The following ERI3 variants were observed in gnomAD, a reference collection of about 807,000 sequenced individuals.
ERI3 encodes ERI1 exoribonuclease 3.
Under a neutral mutation model 44.4 loss-of-function variants are expected in ERI3, and 18 were observed. The ratio of observed to expected loss-of-function variants is 0.41; its 90% CI spans 0.28 to 0.60. The LOEUF (loss-of-function observed/expected upper bound fraction) is 0.60, where lower values mean the gene tolerates loss of function less well. Ranked by LOEUF, ERI3 falls within the 20% of genes least tolerant of loss-of-function variation. The pLI is 0.36. For missense variants in ERI3, 294 were observed against 435.5 expected (o/e 0.68, Z 2.89); for synonymous variants, 183 against 164.8 (o/e 1.11, Z -0.84).
intron 3 of ERI3, among the ~76,000 whole-genome samples, chr1:44,324,324 A>AT (rs1195388263): frequency 6.6e-6 from 1 of 152,092 alleles, no homozygotes; most frequent in Non-Finnish European, 1.5e-5. Flanking sequence ...TCAAACTCAG[A>AT]TATTTCACAG....
intron 7 of ERI3, among the ~76,000 whole-genome samples, chr1:44,274,397 A>C (rs766444685): frequency 2.0e-5 from 3 of 152,242 alleles, no homozygotes; most frequent in African/African-American, 4.8e-5. Context: ...AAAAGGACAT[A>C]ATATTTTTTC....
At chr1:44,327,757 C>G (rs1646344489) in intron 3 of ERI3, among the ~76,000 whole-genome samples, 2 of 152,200 alleles carry the variant, frequency 1.3e-5, no homozygotes, top group Non-Finnish European at 2.9e-5. Flanking sequence ...GCAGCCAAAG[C>G]CTGTTCCATC....
rs571960667 is a variant in ERI3 at position 44,241,551 on chromosome 1, G to A, written c.931+6388C>T. Among the ~76,000 whole-genome samples, 1 of 152,132 alleles carries A rather than the reference G, an allele frequency of 6.6e-6. No individual in the cohort carries two copies. The highest frequency in any genetic ancestry group is 2.1e-4 in the South Asian group (1 of 4,812). On this transcript the variant is annotated intron_variant, in intron 8 of 8. Transcript: ENST00000372257. This position sits in a 1 kb window ranked among gnomAD's most constrained non-coding sequence, Gnocchi z 5.6. ...AGCCAGCACGCGGGTCCTGCCAGATGGATGCAATTTGCATAATATCAGCAG... is the reference window on the plus strand; with the variant it reads ...AGCCAGCACGCGGGTCCTGCCAGATAGATGCAATTTGCATAATATCAGCAG...
intron 6 of ERI3, among the ~76,000 whole-genome samples, chr1:44,290,146 G>C (rs967622743): frequency 6.6e-6 from 1 of 152,230 alleles, no homozygotes; most frequent in Admixed American, 6.5e-5. Flanking sequence ...GTGGGACCTG[G>C]ATCTTGGAGT....
chr1:44,346,575 G>C (rs563331750), intron 2 of ERI3, among the ~76,000 whole-genome samples: 1 of 152,314 alleles, frequency 6.6e-6, no homozygotes, highest in East Asian at 1.9e-4. Context: ...GAGATGGATG[G>C]AGGGCAGGGT....
intron 7 of ERI3, among the ~76,000 whole-genome samples, chr1:44,277,030 T>C (rs1475503530): frequency 6.6e-6 from 1 of 152,240 alleles, no homozygotes; most frequent in Non-Finnish European, 1.5e-5. Context: ...ACATCTATTC[T>C]TTAGTAGAAC....
chr1:44,336,653 G>A (rs973164227), intron 3 of ERI3, among the ~76,000 whole-genome samples: 3 of 152,318 alleles, frequency 2.0e-5, no homozygotes, highest in East Asian at 1.9e-4. Context: ...ATTATCTGAC[G>A]ATCAGGTCAA....
chr1:44,330,360 G>C (rs1192338941), intron 3 of ERI3, among the ~76,000 whole-genome samples: 1 of 152,172 alleles, frequency 6.6e-6, no homozygotes, highest in African/African-American at 2.4e-5. Context: ...TTGTGTATCA[G>C]ACCTGTTTTG....
At chr1:44,227,331 TGGAGAACAGTGCAA>T (rs1644069922) in intron 8 of ERI3, among the ~76,000 whole-genome samples, 2 of 152,060 alleles carry the variant, frequency 1.3e-5, no homozygotes, top group Admixed American at 1.3e-4. Context: ...GAGGTAGGTG[TGGAGAACAGTGCAA>T]GGAGAAGGAA....
intron 4 of ERI3, 59 bp downstream of exon 4, chr1:44,319,569 C>A: frequency 8.1e-7 from 1 of 1,231,998 alleles, no homozygotes; most frequent in Admixed American, 1.8e-5. Context: ...ATATAGAGCA[C>A]CAAGGATTCC....
chr1:44,242,602 C>T (rs540060975), intron 8 of ERI3, among the ~76,000 whole-genome samples: 60 of 152,288 alleles, frequency 3.9e-4, no homozygotes, highest in Admixed American at 1.0e-3. Flanking sequence ...GAGGTGGACA[C>T]GGTCACTCTG....
intron 8 of ERI3, among the ~76,000 whole-genome samples, chr1:44,224,965 G>T (rs1644000665): frequency 6.6e-6 from 1 of 152,134 alleles, no homozygotes; most frequent in Non-Finnish European, 1.5e-5. Context: ...AAAGTCTATG[G>T]CCCTGCTAGA....
intron 8 of ERI3, among the ~76,000 whole-genome samples, chr1:44,238,302 G>A (rs1644353307): frequency 6.6e-6 from 1 of 152,030 alleles, no homozygotes; most frequent in African/African-American, 2.4e-5. Context: ...GACCAATGAG[G>A]CAGCCGCGGG....
At chr1:44,354,172 C>A (rs1646950634) in intron 1 of ERI3, 2 of 985,344 alleles carry the variant, frequency 2.0e-6, no homozygotes, top group African/African-American at 3.5e-5. Flanking sequence ...ATAGCGTACA[C>A]TCTTTTAGCC....
intron 7 of ERI3, among the ~76,000 whole-genome samples, chr1:44,249,815 G>A (rs139387634): frequency 2.6e-4 from 40 of 152,354 alleles, no homozygotes; most frequent in African/African-American, 9.6e-4. Context: ...CAGTGGGCCA[G>A]AGAGCAGTGG....
Position 44,252,561 on chromosome 1 carries a change from G to A in ERI3, c.832-4523C>T, listed in dbSNP as rs181780503. On this transcript the variant is annotated intron_variant, in intron 7 of 8. Transcript: ENST00000372257. The surrounding 1 kb of genome is among the most constrained non-coding windows in gnomAD (Gnocchi z 4.7). ...CCTGTGAAATTACATTGCTGGGCCC[G>A]CGAAATGGAATCGTGTATAATCAGC... Among the ~76,000 whole-genome samples, 29 of 152,338 alleles carry A rather than the reference G, an allele frequency of 1.9e-4. 1 individual carries two copies. The highest frequency in any genetic ancestry group is 5.9e-4 in the Admixed American group (9 of 15,308).
chr1:44,306,142 G>A (rs1270450183), intron 6 of ERI3, among the ~76,000 whole-genome samples: 1 of 152,146 alleles, frequency 6.6e-6, no homozygotes, highest in East Asian at 1.9e-4. Flanking sequence ...CTTATAAGAG[G>A]CAGCCACAGA....
rs183730238 is a variant in ERI3, at chr1:44,254,249, T to C, written c.832-6211A>G. On this transcript the variant is annotated intron_variant, in intron 7 of 8. Transcript: ENST00000372257. ...TCTCCTCTACCTATTTCAGTCATCT[T>C]TCCCCAGAGCCACCCCCTGAGCCTT... is the stretch of plus-strand genomic sequence containing the variant. 1.8e-3 allele frequency among the ~76,000 whole-genome samples: 281 copies of C among 152,296 alleles called. 1 individual carries two copies. Among genetic ancestry groups the C allele is most frequent in the African/African-American group, 6.5e-3 (272 of 41,566 alleles).
intron 7 of ERI3, among the ~76,000 whole-genome samples, chr1:44,270,174 A>G (rs1315275051): frequency 6.6e-6 from 1 of 152,104 alleles, no homozygotes; most frequent in Non-Finnish European, 1.5e-5. Flanking sequence ...CACACACACA[A>G]AAGAAACCCT....
Sources: gnomAD v4.1 joint callset for allele counts (sites outside exome capture counted in the v4.1 genomes callset) on GRCh38, gnomAD v4.1.1 for gene constraint, Gnocchi (gnomAD v3.1) non-coding constraint, MANE v1.5 for transcripts, NCBI Gene and HGNC (gene_info 2026-07-23, HGNC 2026-07-21) for gene names.